CAMK4: variants seen among roughly 807,000 people sequenced by gnomAD.
CAMK4 encodes calcium/calmodulin-dependent protein kinase type IV.
Under a neutral mutation model 44.9 loss-of-function variants are expected in CAMK4, and 22 were observed. The ratio of observed to expected loss-of-function variants is 0.49; its 90% CI spans 0.35 to 0.70. The LOEUF is 0.70. Among genes scored for constraint, CAMK4 ranks in the 30% least tolerant of loss-of-function variants. The pLI, the probability that CAMK4 is intolerant of heterozygous loss-of-function variation, is 0.01. For missense variants in CAMK4, 498 were observed against 586.8 expected (o/e 0.85, Z 1.56); for synonymous variants, 218 against 215.4 (o/e 1.01, Z -0.11).
chr5:111,281,131 A>G (rs1441426468), intron 1 of CAMK4, among the ~76,000 whole-genome samples: 1 of 152,194 alleles, frequency 6.6e-6, no homozygotes, highest in Admixed American at 6.5e-5. Flanking sequence ...GCAAGGCCCT[A>G]GTTTGCTAGG....
In CAMK4 at chr5:111,439,489, G is replaced by A. The variant is rs1340249851; in HGVS notation, c.460-7197G>A. Reference sequence around the variant, plus strand: ...GAGATGAAGGAATAGGATAAATTCAGGTTTCTGGCTTGGTCAATTGGATCG... The same window carrying A: ...GAGATGAAGGAATAGGATAAATTCAAGTTTCTGGCTTGGTCAATTGGATCG... On this transcript the variant is annotated intron_variant, in intron 5 of 10. Coordinates refer to ENST00000282356, the MANE Select transcript of CAMK4 (RefSeq NM_001744.6). Among the ~76,000 whole-genome samples, 4 of 152,280 alleles carry A rather than the reference G, an allele frequency of 2.6e-5. No individual in the cohort carries two copies. In the East Asian group the frequency reaches 7.7e-4, roughly 29 times the overall value.
chr5:111,248,757 T>C (rs1749350875), intron 1 of CAMK4, among the ~76,000 whole-genome samples: 2 of 152,128 alleles, frequency 1.3e-5, no homozygotes, highest in Non-Finnish European at 2.9e-5. Context: ...CTGTAATATA[T>C]CAGTAATGTC....
rs992075497 is a variant in CAMK4, at chr5:111,290,803, C to G, written c.162-53221C>G. ...AGGTGTCAAGGGTCCCCTACTAATACCTGGGGAGTAGAAAATCACACGTCT... is the reference window on the plus strand; with the variant it reads ...AGGTGTCAAGGGTCCCCTACTAATAGCTGGGGAGTAGAAAATCACACGTCT... On this transcript the variant is annotated intron_variant, in intron 1 of 10. Transcript: ENST00000282356. This position sits in a 1 kb window ranked among gnomAD's most constrained non-coding sequence, Gnocchi z 4.5. Among the ~76,000 whole-genome samples the G allele has an allele frequency of 5.3e-5, 8 of 152,098 alleles. No homozygotes were observed. The highest frequency in any genetic ancestry group is 7.2e-5 in the African/African-American group (3 of 41,418).
At chr5:111,249,664 ATATGTGTG>A (rs1393733622) in intron 1 of CAMK4, among the ~76,000 whole-genome samples, 51 of 121,686 alleles carry the variant, frequency 4.2e-4, no homozygotes, top group African/African-American at 1.5e-3. Context: ...GTGTGTATAT[ATATGTGTG>A]TGTGTGTGTG....
chr5:111,417,471 C>T (rs1752856157), intron 5 of CAMK4, among the ~76,000 whole-genome samples: 1 of 152,014 alleles, frequency 6.6e-6, no homozygotes, highest in African/African-American at 2.4e-5. Context: ...CCGTCTTGGC[C>T]TCCCAAAGTG....
chr5:111,393,077 T>A (rs2112858235), intron 4 of CAMK4, among the ~76,000 whole-genome samples: 1 of 152,322 alleles, frequency 6.6e-6, no homozygotes, highest in Non-Finnish European at 1.5e-5. Flanking sequence ...AAACTAATAA[T>A]TTATCCCCTC....
At chr5:111,308,320 A>G (rs1228008497) in intron 1 of CAMK4, among the ~76,000 whole-genome samples, 3 of 152,226 alleles carry the variant, frequency 2.0e-5, no homozygotes, top group Admixed American at 2.0e-4. Context: ...TAACTAATAA[A>G]ATATGAGCAA....
intron 1 of CAMK4, among the ~76,000 whole-genome samples, chr5:111,321,092 C>G (rs1000739112): frequency 2.0e-5 from 3 of 152,096 alleles, no homozygotes; most frequent in Non-Finnish European, 2.9e-5. Context: ...TGGAAGTGAG[C>G]CTTTCAACGT....
At chr5:111,418,599 C>T (rs142731284) in intron 5 of CAMK4, among the ~76,000 whole-genome samples, 3,614 of 150,278 alleles carry the variant, frequency 0.024, 153 homozygotes, top group African/African-American at 0.085. Context: ...CACCTCCCCC[C>T]ACCCCACAAC....
intron 8 of CAMK4, among the ~76,000 whole-genome samples, chr5:111,475,522 A>T (rs1561510847): frequency 6.6e-6 from 1 of 152,228 alleles, no homozygotes; most frequent in African/African-American, 2.4e-5. Flanking sequence ...AGTTCTAAAA[A>T]TCTGTCCTAT....
chr5:111,227,555 A>G (rs1037090833), intron 1 of CAMK4, among the ~76,000 whole-genome samples: 1 of 152,170 alleles, frequency 6.6e-6, no homozygotes, highest in Admixed American at 6.5e-5. Flanking sequence ...GACGGTGACC[A>G]CTGGGGCGAT....
At chr5:111,449,276 T>TA in intron 7 of CAMK4, 73 bp downstream of exon 7, 1 of 671,358 alleles carries the variant, frequency 1.5e-6, no homozygotes, top group South Asian at 2.2e-5. Flanking sequence ...ATCTCATTTT[T>TA]AAAAATTCCT....
intron 1 of CAMK4, among the ~76,000 whole-genome samples, chr5:111,266,670 C>T (rs893433452): frequency 5.3e-5 from 8 of 152,164 alleles, no homozygotes; most frequent in Admixed American, 1.3e-4. Context: ...GACTCATACT[C>T]GTTTTGGAGA....
At chr5:111,251,395 C>G (rs903752643) in intron 1 of CAMK4, among the ~76,000 whole-genome samples, 6 of 152,006 alleles carry the variant, frequency 3.9e-5, no homozygotes, top group African/African-American at 1.5e-4. Flanking sequence ...TATGGGTGTC[C>G]AGGTTGGTCT....
intron 2 of CAMK4, among the ~76,000 whole-genome samples, chr5:111,364,739 T>G (rs983561477): frequency 6.6e-6 from 1 of 152,076 alleles, no homozygotes; most frequent in Non-Finnish European, 1.5e-5. Context: ...CTTCCCAATG[T>G]CTTAGAGTCT....
chr5:111,355,087 T>G (rs563814228), intron 2 of CAMK4, among the ~76,000 whole-genome samples: 18 of 152,230 alleles, frequency 1.2e-4, no homozygotes, highest in Admixed American at 1.2e-3. Flanking sequence ...CAGTGATGGA[T>G]AAGAGAATAA....
chr5:111,371,525 G>GT (rs999121789), intron 2 of CAMK4, among the ~76,000 whole-genome samples: 9 of 152,078 alleles, frequency 5.9e-5, no homozygotes, highest in Non-Finnish European at 8.8e-5. Context: ...TATTTCGTTT[G>GT]TTTTTTCCTG....
chr5:111,442,462 AC>A (rs1233167446), intron 5 of CAMK4, among the ~76,000 whole-genome samples: 3 of 151,598 alleles, frequency 2.0e-5, no homozygotes, highest in Non-Finnish European at 4.4e-5. Context: ...GCACCACTGC[AC>A]TCCAGCCTGG....
intron 5 of CAMK4, among the ~76,000 whole-genome samples, chr5:111,422,511 G>T (rs1195903049): frequency 6.6e-6 from 1 of 152,176 alleles, no homozygotes. Flanking sequence ...CTTAGCCTTT[G>T]GAGTTCTGAG....
Sources: allele counts gnomAD v4.1 joint callset (sites outside exome capture counted in the v4.1 genomes callset), GRCh38; gene constraint gnomAD v4.1.1; non-coding constraint Gnocchi (gnomAD v3.1); transcripts MANE v1.5; gene names NCBI Gene and HGNC (gene_info 2026-07-23, HGNC 2026-07-21).